The following NLRC5 variants were observed in gnomAD, a reference collection of about 807,000 sequenced individuals.
NLRC5 encodes the protein NLR family CARD domain containing 5.
A neutral mutation model predicts 206.9 loss-of-function variants in NLRC5; 114 were observed. That is an observed-to-expected ratio of 0.55 (90% confidence interval 0.47 to 0.64). The LOEUF is 0.64. Among genes scored for constraint, NLRC5 ranks in the 30% least tolerant of loss-of-function variants. The pLI is 0.00. For missense variants in NLRC5, 2,008 were observed against 2,305.5 expected (o/e 0.87, Z 2.64); for synonymous variants, 952 against 962.8 (o/e 0.99, Z 0.21).
At chr16:56,993,587 C>T (rs2142113691) in intron 1 of NLRC5, among the ~76,000 whole-genome samples, 1 of 152,220 alleles carries the variant, frequency 6.6e-6, no homozygotes, top group Admixed American at 6.5e-5. Flanking sequence ...CTCCCACCAG[C>T]TGGAGGGGGA....
intron 1 of NLRC5, among the ~76,000 whole-genome samples, chr16:57,016,285 ATC>A (rs1452161325): frequency 3.9e-4 from 60 of 152,266 alleles, no homozygotes; most frequent in African/African-American, 1.3e-3. Context: ...TCTTCAAAAG[ATC>A]TCTCTTTTCC....
chr16:57,079,188 G>A (rs1484246979), intron 44 of NLRC5, 33 bp from the exon 45 acceptor site: 3 of 1,613,946 alleles, frequency 1.9e-6, no homozygotes, highest in Middle Eastern at 1.7e-4. Flanking sequence ...GGGTCTGGGG[G>A]TTCCTCTCAC....
chr16:57,041,430 C>A, intron 17 of NLRC5, 55 bp from the exon 18 acceptor site: 1 of 1,507,328 alleles, frequency 6.6e-7, no homozygotes, highest in Non-Finnish European at 9.2e-7. Flanking sequence ...GAAAGCGGCT[C>A]CTTCCCGCCT....
At chr16:57,051,483 C>T (rs567593165) in intron 23 of NLRC5, 55 bp from the exon 24 acceptor site, 3 of 1,337,998 alleles carry the variant, frequency 2.2e-6, no homozygotes, top group East Asian at 4.6e-5. Flanking sequence ...TGAGGCCGTG[C>T]TCCCTGCTTT....
chr16:57,000,233 C>T (rs1326302281), intron 1 of NLRC5, among the ~76,000 whole-genome samples: 1 of 152,126 alleles, frequency 6.6e-6, no homozygotes, highest in Non-Finnish European at 1.5e-5. Context: ...ACCAGCTGGC[C>T]ACCTGCTGTC....
At chr16:57,033,511 G>A in intron 11 of NLRC5, 93 bp from the exon 12 acceptor site, 2 of 1,204,866 alleles carry the variant, frequency 1.7e-6, no homozygotes, top group Admixed American at 3.4e-5. Context: ...TTGTGCTTCA[G>A]GGTCTTCAGC....
intron 34 of NLRC5, among the ~76,000 whole-genome samples, chr16:57,066,830 C>T (rs1288054877): frequency 2.6e-5 from 4 of 152,222 alleles, no homozygotes; most frequent in Admixed American, 1.3e-4. Context: ...TTCAGTTCCC[C>T]GAACACCATC....
chr16:57,018,518 A>G (rs1050102272), intron 2 of NLRC5, among the ~76,000 whole-genome samples: 2 of 152,280 alleles, frequency 1.3e-5, no homozygotes, highest in Admixed American at 1.3e-4. Context: ...ACCTATTGCT[A>G]TTAGCCCAGT....
At chr16:57,055,721 G>A (rs955958715) in intron 27 of NLRC5, among the ~76,000 whole-genome samples, 2 of 152,202 alleles carry the variant, frequency 1.3e-5, no homozygotes, top group East Asian at 3.9e-4. Flanking sequence ...CTCTCGCCAT[G>A]GTGGAGCTAG....
intron 24 of NLRC5, among the ~76,000 whole-genome samples, chr16:57,053,450 G>T (rs1380886137): frequency 6.6e-6 from 1 of 152,214 alleles, no homozygotes; most frequent in Non-Finnish European, 1.5e-5. Flanking sequence ...GGGTTGGGTT[G>T]CATGGGGCCT....
Position 57,065,209 on chromosome 16 carries a change from C to T in NLRC5, c.4155-3C>T. 2 of 1,518,108 alleles carry T rather than the reference C, an allele frequency of 1.3e-6. No homozygotes were observed. Among genetic ancestry groups the T allele is most frequent in the Non-Finnish European group, 8.9e-7 (1 of 1,122,360 alleles). The allele number at this position is 1,518,108 out of a possible 1,614,324, so 94.0% of individuals were successfully genotyped here. A position where few individuals can be genotyped will look rare whatever the true frequency, so the allele number is the denominator to read the frequency against. On this transcript the variant is annotated splice_polypyrimidine_tract_variant and splice_region_variant and intron_variant, in intron 32 of 48. Coordinates refer to ENST00000688547, the MANE Select transcript of NLRC5 (RefSeq NM_001384950.1). ...GCCTTATCTGTGTCCCCTTCTGTGA[C>T]AGGGTGCAGGAGCCGTGGGCGGACA...
chr16:57,019,954 G>A (rs1026403214), intron 2 of NLRC5, among the ~76,000 whole-genome samples: 3 of 152,096 alleles, frequency 2.0e-5, no homozygotes, highest in Non-Finnish European at 4.4e-5. Flanking sequence ...TGTCCACAGG[G>A]GATGAACAAG....
intron 23 of NLRC5, among the ~76,000 whole-genome samples, chr16:57,050,934 C>T (rs536616071): frequency 6.6e-6 from 1 of 152,254 alleles, no homozygotes; most frequent in African/African-American, 2.4e-5. Flanking sequence ...CTCACTGCAA[C>T]CTCTGCCTCC....
At chr16:57,040,843 C>T in intron 17 of NLRC5, 125 bp downstream of exon 17, 2 of 908,686 alleles carry the variant, frequency 2.2e-6, no homozygotes, top group Non-Finnish European at 3.5e-6. Context: ...CTGCTGTGTC[C>T]AGGGGTCATG....
Position 57,045,336 on chromosome 16 carries a change from A to G in NLRC5, c.3204-112A>G, listed in dbSNP as rs936039751. 8.9e-6 allele frequency: 8 copies of G among 901,404 alleles called. No homozygotes were observed. The South Asian group carries it at 1.1e-4, about 12-fold the overall frequency. 55.8% of individuals were successfully genotyped at this position (901,404 alleles called of 1,614,324 possible). A position where few individuals can be genotyped will look rare whatever the true frequency, so the allele number is the denominator to read the frequency against. On this transcript the variant is annotated intron_variant, in intron 20 of 48. Transcript: ENST00000688547. The stretch of plus-strand genomic sequence containing the variant: ...TGCTTAATCTATTCCTTGTTTGCTA[A>G]GAAAGCAGGCCACCCCAGGCCCTCC...
At chr16:57,061,552 G>T in intron 31 of NLRC5, 21 bp downstream of exon 31, 2 of 1,609,336 alleles carry the variant, frequency 1.2e-6, no homozygotes, top group Non-Finnish European at 1.7e-6. Flanking sequence ...CACCCAGCCC[G>T]TGAGGACAGC....
chr16:57,055,128 TTGA>T, intron 26 of NLRC5, 34 bp downstream of exon 26: 5 of 1,612,128 alleles, frequency 3.1e-6, no homozygotes, highest in Non-Finnish European at 4.2e-6. Context: ...AGGCAGCTAG[TTGA>T]TGTTGGGGAC....
Position 57,026,083 on chromosome 16 carries a change from C to T in NLRC5, c.1140C>T (p.Phe380=), listed in dbSNP as rs2061246060. Residue 380 remains phenylalanine, a synonymous_variant, in exon 6 of 49, where the codon TTC becomes TTT. Coordinates refer to ENST00000688547, the MANE Select transcript of NLRC5 (RefSeq NM_001384950.1). The part of the protein sequence containing the change: ...PRVEEYVNHF[F]SAQPSREGAL... ...TGGAAGAATATGTGAATCACTTCTT[C>T]AGCGCCCAGCCATCGCGGGAGGGGG... 1 of 1,614,010 alleles carries T rather than the reference C, an allele frequency of 6.2e-7. No individual in the cohort carries two copies. The highest frequency in any genetic ancestry group is 1.3e-5 in the African/African-American group (1 of 74,952).
In NLRC5 at chr16:57,026,420, C is replaced by T. The variant is rs780136780; in HGVS notation, c.1477C>T (p.Leu493=). Residue 493 remains leucine (L), a synonymous_variant, in exon 6 of 49, where the codon CTG becomes TTG. Coordinates refer to ENST00000688547, the MANE Select transcript of NLRC5 (RefSeq NM_001384950.1). ...PLIAFGATHS[L]LTSFCVCTGP... The stretch of plus-strand genomic sequence containing the variant: ...GATAGCTTTTGGGGCCACTCACAGC[C>T]TGCTGACTTCCTTCTGCGTCTGCAC... 1 of 1,614,148 alleles carries T rather than the reference C, an allele frequency of 6.2e-7. No individual in the cohort carries two copies. Among genetic ancestry groups the T allele is most frequent in the Non-Finnish European group, 8.5e-7 (1 of 1,180,014 alleles).
Sources: allele counts gnomAD v4.1 joint callset (sites outside exome capture counted in the v4.1 genomes callset), GRCh38; gene constraint gnomAD v4.1.1; transcripts MANE v1.5; gene names NCBI Gene and HGNC (gene_info 2026-07-23, HGNC 2026-07-21).